GRIN2A: variants seen among roughly 807,000 people sequenced by gnomAD.
The protein encoded by GRIN2A is glutamate ionotropic receptor NMDA type subunit 2A.
GRIN2A carries 22 observed loss-of-function variants against 113.4 expected under a neutral mutation model. The ratio of observed to expected loss-of-function variants is 0.19; its 90% CI spans 0.14 to 0.28. GRIN2A has a LOEUF of 0.28. GRIN2A is among the 10% of genes least tolerant of loss of function. GRIN2A has a pLI of 1.00. For missense variants in GRIN2A, 1,502 were observed against 1,887.0 expected, an observed-to-expected ratio of 0.80 and a Z score of 3.78; for synonymous variants, 827 against 738.4, an observed-to-expected ratio of 1.12 and a Z score of -1.94.
At chr16:9,854,466 T>G (rs999879358) in intron 4 of GRIN2A, among the ~76,000 whole-genome samples, 1 of 152,166 alleles carries the variant, frequency 6.6e-6, no homozygotes, top group South Asian at 2.1e-4. Flanking sequence ...CAGTTTCGAC[T>G]GTCATATTGT....
chr16:9,871,895 G>C (rs1193545944), intron 4 of GRIN2A, among the ~76,000 whole-genome samples: 2 of 152,164 alleles, frequency 1.3e-5, no homozygotes, highest in Non-Finnish European at 2.9e-5. Flanking sequence ...TTTGATTGAA[G>C]AAAGTAGCAG....
chr16:9,814,058 T>G (rs1306340909), intron 10 of GRIN2A, among the ~76,000 whole-genome samples: 1 of 152,234 alleles, frequency 6.6e-6, no homozygotes, highest in Non-Finnish European at 1.5e-5. Flanking sequence ...TCTCCTGGTT[T>G]ACCTTTGCCT....
chr16:9,907,416 C>G (rs1172009061), intron 3 of GRIN2A, among the ~76,000 whole-genome samples: 1 of 152,032 alleles, frequency 6.6e-6, no homozygotes, highest in Non-Finnish European at 1.5e-5. Flanking sequence ...CTCCGAAACC[C>G]AAAACTACAG....
chr16:9,820,024 T>A (rs2042252361), intron 10 of GRIN2A, among the ~76,000 whole-genome samples: 1 of 150,960 alleles, frequency 6.6e-6, no homozygotes, highest in Non-Finnish European at 1.5e-5. Flanking sequence ...GGAGATTGAG[T>A]ATAGAATGAA....
At chr16:9,979,039 A>G (rs1024748249) in intron 2 of GRIN2A, among the ~76,000 whole-genome samples, 3 of 152,114 alleles carry the variant, frequency 2.0e-5, no homozygotes, top group Admixed American at 6.5e-5. Context: ...CTCTCTTACA[A>G]TGCGGGTCCC....
At chr16:9,968,288 G>A (rs370287828) in intron 2 of GRIN2A, among the ~76,000 whole-genome samples, 1 of 88,126 alleles carries the variant, frequency 1.1e-5, no homozygotes, top group African/African-American at 4.7e-5. Flanking sequence ...ATGTATGTAT[G>A]TATGTATGTA....
At chr16:10,089,414 G>T (rs1160659367) in intron 2 of GRIN2A, among the ~76,000 whole-genome samples, 1 of 152,148 alleles carries the variant, frequency 6.6e-6, no homozygotes, top group Admixed American at 6.5e-5. Flanking sequence ...TATAAAATAA[G>T]CACAACAATG....
chr16:10,093,627 A>AAAC (rs926341144), intron 2 of GRIN2A, among the ~76,000 whole-genome samples: 5 of 151,960 alleles, frequency 3.3e-5, no homozygotes, highest in Non-Finnish European at 5.9e-5. Context: ...TGAAAAAAAA[A>AAAC]AACAAAAAAC....
intron 11 of GRIN2A, among the ~76,000 whole-genome samples, chr16:9,772,327 T>C (rs950081065): frequency 2.0e-5 from 3 of 152,188 alleles, no homozygotes; most frequent in Non-Finnish European, 4.4e-5. Flanking sequence ...GCCATCCCTT[T>C]GGAAATACAA....
chr16:9,882,892 G>T (rs1489069748), intron 4 of GRIN2A, among the ~76,000 whole-genome samples: 1 of 152,194 alleles, frequency 6.6e-6, no homozygotes, highest in Non-Finnish European at 1.5e-5. Context: ...TGAGAGGAAA[G>T]GAAGCAGACA....
chr16:9,959,981 A>G (rs892766764), intron 2 of GRIN2A, among the ~76,000 whole-genome samples: 1 of 152,212 alleles, frequency 6.6e-6, no homozygotes, highest in Non-Finnish European at 1.5e-5. Context: ...TCAAAAAAAC[A>G]AACAAAAACC....
At chr16:10,099,577 T>A (rs2048354263) in intron 2 of GRIN2A, among the ~76,000 whole-genome samples, 1 of 152,208 alleles carries the variant, frequency 6.6e-6, no homozygotes, top group Admixed American at 6.5e-5. Flanking sequence ...GCTGCTGTCC[T>A]CTGAGAGTAG....
At chr16:10,161,276 C>T (rs2049803673) in intron 2 of GRIN2A, among the ~76,000 whole-genome samples, 3 of 152,144 alleles carry the variant, frequency 2.0e-5, no homozygotes, top group Non-Finnish European at 4.4e-5. Context: ...TGTTGGCTTC[C>T]CCTTCTGCCA....
intron 10 of GRIN2A, among the ~76,000 whole-genome samples, chr16:9,814,287 T>G (rs912544469): frequency 3.3e-5 from 5 of 152,248 alleles, no homozygotes; most frequent in Admixed American, 3.3e-4. Context: ...GCCTAACTTC[T>G]ATACTTACTA....
At chr16:10,080,407 T>C (rs1228275357) in intron 2 of GRIN2A, among the ~76,000 whole-genome samples, 2 of 152,168 alleles carry the variant, frequency 1.3e-5, no homozygotes, top group African/African-American at 2.4e-5. Flanking sequence ...AGGGAGATGG[T>C]TATTAGCCAC....
At chr16:9,931,231 T>C (rs772601350) in intron 3 of GRIN2A, among the ~76,000 whole-genome samples, 1 of 152,174 alleles carries the variant, frequency 6.6e-6, no homozygotes, top group Non-Finnish European at 1.5e-5. Context: ...AATTAAAGAA[T>C]AGAACTGAAA....
At chr16:10,073,585 C>CA (rs1328087989) in intron 2 of GRIN2A, among the ~76,000 whole-genome samples, 1 of 151,878 alleles carries the variant, frequency 6.6e-6, no homozygotes, top group African/African-American at 2.4e-5. Context: ...GTGTGAGGGT[C>CA]AAAAAAGTGG....
chr16:9,889,261 T>A (rs1003756567), intron 4 of GRIN2A, among the ~76,000 whole-genome samples: 1 of 152,176 alleles, frequency 6.6e-6, no homozygotes, highest in African/African-American at 2.4e-5. Context: ...TTTTTCATAA[T>A]ATTCTTTTTA....
intron 2 of GRIN2A, among the ~76,000 whole-genome samples, chr16:9,992,126 G>A (rs1366277694): frequency 1.3e-5 from 2 of 152,156 alleles, no homozygotes; most frequent in African/African-American, 2.4e-5. Flanking sequence ...CGAAAGACAT[G>A]ATGTAATTAC....
Sources: allele counts gnomAD v4.1 joint callset (sites outside exome capture counted in the v4.1 genomes callset), GRCh38; gene constraint gnomAD v4.1.1; transcripts MANE v1.5; gene names NCBI Gene and HGNC (gene_info 2026-07-23, HGNC 2026-07-21).